PLXDC2: variants seen among roughly 807,000 people sequenced by gnomAD.
PLXDC2 encodes the protein plexin domain containing 2, also known as plexin domain-containing protein 2.
Under a neutral mutation model 68.9 loss-of-function variants are expected in PLXDC2, and 40 were observed. That is an observed-to-expected ratio of 0.58 (90% confidence interval 0.45 to 0.76). The LOEUF (loss-of-function observed/expected upper bound fraction) is 0.76, where lower values mean the gene tolerates loss of function less well. PLXDC2 is among the 30% of genes least tolerant of loss of function. The pLI is 0.00. For synonymous variants in PLXDC2, 243 were observed against 234.2 expected (o/e 1.04, Z -0.34); for missense variants, 644 against 661.9 (o/e 0.97, Z 0.30).
chr10:19,867,596 C>A (rs1301326621), intron 1 of PLXDC2, among the ~76,000 whole-genome samples: 1 of 152,178 alleles, frequency 6.6e-6, no homozygotes, highest in African/African-American at 2.4e-5. Context: ...TAAGTACCTG[C>A]AATTTCTCTT....
At chr10:19,871,410 A>G (rs561729029) in intron 1 of PLXDC2, among the ~76,000 whole-genome samples, 11 of 152,352 alleles carry the variant, frequency 7.2e-5, no homozygotes, top group South Asian at 2.1e-4. Context: ...GCCAAATTGT[A>G]TCACAGTGAG....
chr10:20,029,600 T>C (rs1467356973), intron 2 of PLXDC2, among the ~76,000 whole-genome samples: 1 of 151,964 alleles, frequency 6.6e-6, no homozygotes, highest in Non-Finnish European at 1.5e-5. Flanking sequence ...AATAAATAAA[T>C]AAAAAAAGAA....
chr10:19,885,226 G>T (rs1239123500), intron 1 of PLXDC2, among the ~76,000 whole-genome samples: 63 of 150,146 alleles, frequency 4.2e-4, no homozygotes, highest in African/African-American at 6.6e-4. Context: ...TAAATTTGTT[G>T]GAGTTCATTG....
In PLXDC2 at chr10:20,285,555, G is replaced by A. The variant is rs1232642554; in HGVS notation, c.*5736G>A. On this transcript the variant is annotated 3_prime_UTR_variant, in exon 14 of 14. Transcript: ENST00000377252. ...TCTGAAACATAATATATCACTGCAT[G>A]TCTGTGCTGTAGACCTGTTAATTTT... The A allele has an allele frequency of 1.3e-5, 2 of 152,166 alleles. No homozygotes were observed. Among genetic ancestry groups the A allele is most frequent in the Non-Finnish European group, 2.9e-5 (2 of 68,028 alleles). 9.4% of individuals were successfully genotyped at this position (152,166 alleles called of 1,614,324 possible).
intron 3 of PLXDC2, among the ~76,000 whole-genome samples, chr10:20,055,819 A>G (rs1835988239): frequency 6.6e-6 from 1 of 152,172 alleles, no homozygotes; most frequent in Non-Finnish European, 1.5e-5. Context: ...ATTTTATTCA[A>G]TACTATTCAT....
At position 20,243,451 on chromosome 10, in the gene PLXDC2, G is replaced by C. The variant is rs563886147; in HGVS notation, c.1313-1894G>C. 1.9e-3 allele frequency among the ~76,000 whole-genome samples: 296 copies of C among 152,162 alleles called. 1 individual carries two copies. The highest frequency in any genetic ancestry group is 6.6e-3 in the African/African-American group (273 of 41,524). On this transcript the variant is annotated intron_variant, in intron 12 of 13. Coordinates refer to ENST00000377252, the MANE Select transcript of PLXDC2 (RefSeq NM_032812.9). ...TTCTGTTACATAAGGGAAATCTTTA[G>C]AATTTTCAGCCTTACTAGATTTGGA...
In PLXDC2 at chr10:20,001,289, G is replaced by A. The variant is rs1017029048; in HGVS notation, c.113-486G>A. ...GACAATTTCATGTATTATTTAACCC[G>A]TTCCTATACACTGGTGTCTCTTTGC... is the stretch of plus-strand genomic sequence containing the variant. On this transcript the variant is annotated intron_variant, in intron 1 of 13. Transcript: ENST00000377252. 8.5e-5 allele frequency among the ~76,000 whole-genome samples: 13 copies of A among 152,262 alleles called. No homozygotes were observed. The East Asian group carries it at 1.2e-3, about 14-fold the overall frequency.
intron 2 of PLXDC2, among the ~76,000 whole-genome samples, chr10:20,033,073 A>T (rs888316568): frequency 3.3e-5 from 5 of 151,580 alleles, no homozygotes; most frequent in Non-Finnish European, 5.9e-5. Flanking sequence ...TAGGAGATAT[A>T]CCTAAAGTAA....
At position 19,993,700 on chromosome 10, in the gene PLXDC2, G is replaced by A. The variant is rs1298274592; in HGVS notation, c.113-8075G>A. ...CTCCCAAAGTGCTGGGATTACAGGC[G>A]TCAGCAACAGTACCTGGCCAAGTGT... On this transcript the variant is annotated intron_variant, in intron 1 of 13. Coordinates refer to ENST00000377252, the MANE Select transcript of PLXDC2 (RefSeq NM_032812.9). Among the ~76,000 whole-genome samples the A allele has an allele frequency of 5.9e-5, 9 of 152,298 alleles. No individual in the cohort carries two copies. In the South Asian group the frequency reaches 6.2e-4, roughly 11 times the overall value.
intron 1 of PLXDC2, among the ~76,000 whole-genome samples, chr10:19,898,703 C>G (rs765474762): frequency 5.3e-5 from 8 of 152,082 alleles, no homozygotes; most frequent in Non-Finnish European, 2.9e-5. Context: ...GTCCCACTGT[C>G]AAATAATTGG....
At chr10:20,237,247 T>A (rs954753367) in intron 12 of PLXDC2, among the ~76,000 whole-genome samples, 1 of 152,162 alleles carries the variant, frequency 6.6e-6, no homozygotes, top group Non-Finnish European at 1.5e-5. Context: ...ATTGTGAATG[T>A]ATTGTCACAG....
rs1564338868 is a variant in PLXDC2 at position 20,164,528 on chromosome 10, G to T, written c.844G>T (p.Asp282Tyr). 6.2e-7 allele frequency: 1 copy of T among 1,613,390 alleles called. No individual in the cohort carries two copies. Among genetic ancestry groups the T allele is most frequent in the African/African-American group, 1.3e-5 (1 of 74,842 alleles). ...TCATCCAGTGAAAGTCGGACTGTCC[G>T]ATGCATTTGTCGTTGTCCACAGGAT... The part of the protein sequence containing the change: ...TNHPVKVGLS[D>Y]AFVVVHRIQQ... Residue 282 changes from aspartate to tyrosine, a missense_variant, in exon 7 of 14, where the codon GAT becomes TAT. Around this residue, in one of 3 missense-constraint regions of PLXDC2, gnomAD observed 330 missense variants for 327.9 expected, o/e 1.01. Transcript: ENST00000377252.
chr10:19,979,022 A>C (rs1277074279), intron 1 of PLXDC2, among the ~76,000 whole-genome samples: 2 of 152,346 alleles, frequency 1.3e-5, no homozygotes, highest in East Asian at 3.9e-4. Context: ...AGCAGGAAAC[A>C]AAATAAACGT....
chr10:20,025,233 C>T (rs1835378628), intron 2 of PLXDC2, among the ~76,000 whole-genome samples: 1 of 151,260 alleles, frequency 6.6e-6, no homozygotes, highest in South Asian at 2.1e-4. Context: ...GCTCCCTTTG[C>T]TTTGCAACCT....
chr10:20,189,751 T>C (rs897784869), intron 9 of PLXDC2, among the ~76,000 whole-genome samples: 2 of 151,296 alleles, frequency 1.3e-5, no homozygotes, highest in African/African-American at 4.8e-5. Context: ...TTTCAAAATA[T>C]GAATAGTGTT....
At chr10:20,094,993 G>T (rs2131733763) in intron 4 of PLXDC2, among the ~76,000 whole-genome samples, 1 of 152,260 alleles carries the variant, frequency 6.6e-6, no homozygotes, top group South Asian at 2.1e-4. Context: ...TGCACAATTA[G>T]AAAAGTCTAA....
At chr10:19,973,485 A>AGAT in intron 1 of PLXDC2, among the ~76,000 whole-genome samples, 1 of 152,162 alleles carries the variant, frequency 6.6e-6, no homozygotes, top group South Asian at 2.1e-4. Context: ...ATTTGTTCAA[A>AGAT]GATACTTTAG....
intron 1 of PLXDC2, among the ~76,000 whole-genome samples, chr10:19,967,069 G>T (rs970117492): frequency 6.6e-6 from 1 of 152,160 alleles, no homozygotes; most frequent in African/African-American, 2.4e-5. Flanking sequence ...CTCAGTTGGA[G>T]CAGCCAACCT....
chr10:20,242,082 A>C (rs1835523526), intron 12 of PLXDC2, among the ~76,000 whole-genome samples: 1 of 152,118 alleles, frequency 6.6e-6, no homozygotes, highest in African/African-American at 2.4e-5. Context: ...TTTGACTCAA[A>C]AATATCTACT....
Sources: gnomAD v4.1 joint callset for allele counts (sites outside exome capture counted in the v4.1 genomes callset) on GRCh38, gnomAD v4.1.1 for gene constraint, gnomAD v4.1.1 regional missense constraint, MANE v1.5 for transcripts, NCBI Gene and HGNC (gene_info 2026-07-23, HGNC 2026-07-21) for gene names.